Variants in NEBL observed in about 807,000 individuals in gnomAD.
The protein encoded by NEBL is LIM and SH3 protein 2.
A neutral mutation model predicts 140.2 loss-of-function variants in NEBL; 122 were observed. The observed-to-expected ratio is 0.87, with a 90% confidence interval of 0.75 to 1.01. The LOEUF is 1.01. Ranked by LOEUF, NEBL falls within the 50% of genes least tolerant of loss-of-function variation. NEBL has a pLI of 0.00. For missense variants in NEBL, 1,365 were observed against 1,231.3 expected, an observed-to-expected ratio of 1.11 and a Z score of -1.62; for synonymous variants, 436 against 398.9, an observed-to-expected ratio of 1.09 and a Z score of -1.11.
intron 12 of NEBL, among the ~76,000 whole-genome samples, chr10:20,844,861 AG>A (rs1044680954): frequency 4.7e-4 from 72 of 152,220 alleles, no homozygotes; most frequent in African/African-American, 1.7e-3. Context: ...GGAAAGCGAC[AG>A]GAAAAGTTGG....
At chr10:20,933,605 G>A (rs902993498) in intron 4 of NEBL, among the ~76,000 whole-genome samples, 5 of 152,114 alleles carry the variant, frequency 3.3e-5, no homozygotes, top group Non-Finnish European at 5.9e-5. Flanking sequence ...GTGGTGGCAC[G>A]TGCCTGTAAT....
At chr10:20,904,606 TG>T (rs2131442013) in intron 4 of NEBL, among the ~76,000 whole-genome samples, 2 of 152,308 alleles carry the variant, frequency 1.3e-5, no homozygotes, top group Non-Finnish European at 2.9e-5. Flanking sequence ...TATTTTCAGG[TG>T]GGGTCTCATT....
intron 3 of NEBL, among the ~76,000 whole-genome samples, chr10:21,232,808 A>G (rs1367705683): frequency 6.6e-6 from 1 of 152,250 alleles, no homozygotes; most frequent in East Asian, 1.9e-4. Flanking sequence ...ATTTTCAAAC[A>G]ATCACTTAAG....
At chr10:20,992,105 C>T (rs956669892) in intron 3 of NEBL, among the ~76,000 whole-genome samples, 1 of 152,158 alleles carries the variant, frequency 6.6e-6, no homozygotes. Flanking sequence ...GGTAGGAATG[C>T]TAATCCTTAT....
intron 2 of NEBL, among the ~76,000 whole-genome samples, chr10:21,129,243 GA>G (rs1838984892): frequency 6.6e-6 from 1 of 151,906 alleles, no homozygotes; most frequent in African/African-American, 2.4e-5. Context: ...GGCGTAAGTA[GA>G]GGTAAAATTA....
intron 3 of NEBL, among the ~76,000 whole-genome samples, chr10:20,984,442 G>A (rs1319669869): frequency 6.6e-6 from 1 of 152,144 alleles, no homozygotes; most frequent in Non-Finnish European, 1.5e-5. Flanking sequence ...TATTTCTAGA[G>A]AGAAGGCAAA....
intron 3 of NEBL, among the ~76,000 whole-genome samples, chr10:20,993,242 A>G (rs1837537008): frequency 6.6e-6 from 1 of 152,228 alleles, no homozygotes; most frequent in East Asian, 1.9e-4. Flanking sequence ...ACCTCTGGTC[A>G]TGAAAGTTTT....
intron 4 of NEBL, among the ~76,000 whole-genome samples, chr10:20,958,228 T>C (rs534720768): frequency 1.3e-5 from 2 of 152,330 alleles, no homozygotes; most frequent in East Asian, 3.9e-4. Context: ...ACACTGTCCC[T>C]TAAGAATATT....
intron 20 of NEBL, among the ~76,000 whole-genome samples, chr10:20,818,308 G>A (rs545930511): frequency 7.2e-6 from 1 of 139,572 alleles, no homozygotes; most frequent in South Asian, 2.7e-4. Context: ...TGGGTGGGGG[G>A]GCTGGGGGTG....
At chr10:21,167,242 G>A (rs1304107190) in intron 2 of NEBL, among the ~76,000 whole-genome samples, 5 of 152,150 alleles carry the variant, frequency 3.3e-5, no homozygotes, top group African/African-American at 9.7e-5. Flanking sequence ...TAAAGTCTTC[G>A]GAAACCATGT....
intron 4 of NEBL, among the ~76,000 whole-genome samples, chr10:20,918,633 G>T (rs1232381916): frequency 3.3e-5 from 5 of 151,920 alleles, no homozygotes; most frequent in Non-Finnish European, 7.4e-5. Flanking sequence ...GGCAGATCAA[G>T]GTCAGGAGAT....
At chr10:21,175,368 G>A (rs936416965), upstream of NEBL, among the ~76,000 whole-genome samples, 1 of 152,164 alleles carries the variant, frequency 6.6e-6, no homozygotes, top group Non-Finnish European at 1.5e-5. Context: ...GAAGCTCCAC[G>A]GAAGAGTCAG....
intron 2 of NEBL, among the ~76,000 whole-genome samples, chr10:21,067,173 G>T (rs1012065199): frequency 7.9e-5 from 12 of 151,844 alleles, no homozygotes; most frequent in Admixed American, 7.9e-4. Context: ...GGGTTTCACC[G>T]TGTTAGCCAG....
At chr10:21,176,115 G>A (rs969185191), upstream of NEBL, among the ~76,000 whole-genome samples, 14 of 151,876 alleles carry the variant, frequency 9.2e-5, no homozygotes, top group Admixed American at 4.6e-4. Context: ...TGATCCTCCC[G>A]TCTCAGTCTC....
intron 2 of NEBL, among the ~76,000 whole-genome samples, chr10:21,024,275 T>C (rs1589146724): frequency 6.6e-6 from 1 of 152,286 alleles, no homozygotes; most frequent in Admixed American, 6.5e-5. Context: ...TTAATCAGTA[T>C]GTAGCATAAC....
intron 13 of NEBL, among the ~76,000 whole-genome samples, chr10:20,838,939 T>C (rs1421816411): frequency 2.6e-5 from 4 of 152,180 alleles, no homozygotes; most frequent in Admixed American, 1.3e-4. Flanking sequence ...AAACATAACA[T>C]GTATATGTAT....
chr10:20,796,325 C>T (rs890582657), intron 26 of NEBL, among the ~76,000 whole-genome samples: 1 of 136,374 alleles, frequency 7.3e-6, no homozygotes, highest in Non-Finnish European at 1.5e-5. Flanking sequence ...CACCATTGCA[C>T]TCCAGCCTGG....
At chr10:21,264,643 A>G (rs1303201201) in intron 1 of NEBL, among the ~76,000 whole-genome samples, 4 of 136,414 alleles carry the variant, frequency 2.9e-5, no homozygotes, top group African/African-American at 1.1e-4. Context: ...ACCAGAGTAT[A>G]CTTTCTGTTG....
intron 24 of NEBL, among the ~76,000 whole-genome samples, chr10:20,812,326 T>A (rs1588662733): frequency 6.6e-6 from 1 of 152,010 alleles, no homozygotes; most frequent in African/African-American, 2.4e-5. Flanking sequence ...CATTCTTTTT[T>A]TTATTATTAT....
Sources: allele counts gnomAD v4.1 joint callset (sites outside exome capture counted in the v4.1 genomes callset), GRCh38; gene constraint gnomAD v4.1.1; transcripts MANE v1.5; gene names NCBI Gene and HGNC (gene_info 2026-07-23, HGNC 2026-07-21).